B3GALT1: variants seen among roughly 807,000 people sequenced by gnomAD.
B3GALT1 encodes beta-1,3-galactosyltransferase 1.
In B3GALT1, 10 loss-of-function variants were observed where a neutral mutation model predicts 23.2. The ratio of observed to expected loss-of-function variants is 0.43; its 90% confidence interval spans 0.27 to 0.73. The LOEUF (loss-of-function observed/expected upper bound fraction) is 0.73, where lower values mean the gene tolerates loss of function less well. Ranked by LOEUF, B3GALT1 falls within the 30% of genes least tolerant of loss-of-function variation. The pLI is 0.21. For synonymous variants in B3GALT1, 156 were observed against 141.5 expected (o/e 1.10, Z -0.73); for missense variants, 299 against 405.4 (o/e 0.74, Z 2.25).
intron 1 of B3GALT1, among the ~76,000 whole-genome samples, chr2:167,363,623 A>G (rs1697534004): frequency 6.6e-6 from 1 of 152,080 alleles, no homozygotes; most frequent in Non-Finnish European, 1.5e-5. Context: ...AGAGGAACTT[A>G]AACATCTGTG....
chr2:167,500,711 A>G (rs1210349417), intron 2 of B3GALT1, among the ~76,000 whole-genome samples: 1 of 152,208 alleles, frequency 6.6e-6, no homozygotes, highest in East Asian at 1.9e-4. Context: ...ATGAGCATCA[A>G]TAAGTCTTTA....
intron 1 of B3GALT1, among the ~76,000 whole-genome samples, chr2:167,377,226 A>G (rs553000020): frequency 3.7e-4 from 57 of 152,046 alleles, no homozygotes; most frequent in African/African-American, 1.2e-3. Flanking sequence ...ATTTTTTTGA[A>G]TTTATTGAAA....
chr2:167,711,382 C>A (rs567477273), intron 3 of B3GALT1, among the ~76,000 whole-genome samples: 1 of 152,220 alleles, frequency 6.6e-6, no homozygotes, highest in South Asian at 2.1e-4. Flanking sequence ...CTGACAATAG[C>A]AGATATTCAA....
chr2:167,704,182 A>AC lies in B3GALT1; in HGVS notation c.-352+57217dup, dbSNP rs1375543644. ...GGCAAAGGAGCGAAACTCAGTCTCA[A>AC]CAAAAAAAAAAAAAAAAAAAGGTAA... On this transcript the variant is annotated intron_variant, in intron 3 of 4. Coordinates refer to ENST00000392690, the MANE Select transcript of B3GALT1 (RefSeq NM_020981.4). 3.2e-3 allele frequency among the ~76,000 whole-genome samples: 397 copies of AC among 123,538 alleles called. 4 individuals carry two copies. The highest frequency in any genetic ancestry group is 5.5e-3 in the Non-Finnish European group (319 of 57,828). The allele number at this position is 123,538 out of a possible 152,430, so 81.0% of individuals were successfully genotyped here.
At chr2:167,808,266 T>A (rs2105348809) in intron 3 of B3GALT1, among the ~76,000 whole-genome samples, 1 of 151,250 alleles carries the variant, frequency 6.6e-6, no homozygotes, top group South Asian at 2.1e-4. Flanking sequence ...AATTTGCCAG[T>A]CTGTGTCTTT....
intron 2 of B3GALT1, among the ~76,000 whole-genome samples, chr2:167,533,094 C>G (rs1683356850): frequency 6.6e-6 from 1 of 151,266 alleles, no homozygotes. Context: ...CACTTGACAT[C>G]AGGTGATCTG....
chr2:167,822,938 T>C (rs561792108), intron 4 of B3GALT1, among the ~76,000 whole-genome samples: 1 of 152,330 alleles, frequency 6.6e-6, no homozygotes, highest in East Asian at 1.9e-4. Context: ...CCTGGACATA[T>C]AGATAGACCG....
chr2:167,448,370 A>G (rs1039638922), intron 1 of B3GALT1, among the ~76,000 whole-genome samples: 1 of 151,630 alleles, frequency 6.6e-6, no homozygotes, highest in Non-Finnish European at 1.5e-5. Flanking sequence ...TCCCTGTTCC[A>G]TAGCTTTTTT....
intron 1 of B3GALT1, among the ~76,000 whole-genome samples, chr2:167,373,883 G>T (rs576810820): frequency 1.3e-5 from 2 of 152,162 alleles, no homozygotes; most frequent in South Asian, 2.1e-4. Context: ...ATAGATTCAG[G>T]GGGTACATGT....
chr2:167,356,859 A>G (rs917509423), intron 1 of B3GALT1, among the ~76,000 whole-genome samples: 1 of 152,028 alleles, frequency 6.6e-6, no homozygotes, highest in Non-Finnish European at 1.5e-5. Context: ...GTCAAGCGTC[A>G]TTAGTGTGGC....
intron 3 of B3GALT1, among the ~76,000 whole-genome samples, chr2:167,802,856 A>G (rs2105341963): frequency 6.6e-6 from 1 of 152,160 alleles, no homozygotes; most frequent in East Asian, 1.9e-4. Context: ...TAATCGGTGG[A>G]TTGAAAAATA....
chr2:167,665,413 T>C (rs200522735), intron 3 of B3GALT1, among the ~76,000 whole-genome samples: 124 of 142,256 alleles, frequency 8.7e-4, no homozygotes, highest in Admixed American at 1.4e-3. Context: ...AGGATATTGG[T>C]CTAAAATTCT....
intron 3 of B3GALT1, among the ~76,000 whole-genome samples, chr2:167,652,394 T>G (rs1045366158): frequency 6.6e-6 from 1 of 152,208 alleles, no homozygotes; most frequent in African/African-American, 2.4e-5. Flanking sequence ...TCACTGACCC[T>G]CTCTGAAACT....
At chr2:167,440,380 G>A (rs553190881) in intron 1 of B3GALT1, among the ~76,000 whole-genome samples, 24 of 144,510 alleles carry the variant, frequency 1.7e-4, no homozygotes, top group Non-Finnish European at 3.2e-4. Flanking sequence ...AATTTAAAAT[G>A]TTCATAAACC....
chr2:167,835,643 A>C (rs1689448479), intron 4 of B3GALT1, among the ~76,000 whole-genome samples: 1 of 152,334 alleles, frequency 6.6e-6, no homozygotes, highest in Admixed American at 6.5e-5. Context: ...ACCTCTGCAG[A>C]CTTAAATGTC....
At chr2:167,405,985 A>T (rs1012692895) in intron 1 of B3GALT1, among the ~76,000 whole-genome samples, 1 of 152,136 alleles carries the variant, frequency 6.6e-6, no homozygotes, top group Non-Finnish European at 1.5e-5. Context: ...AATATTAGAA[A>T]ATAAAGCAGC....
intron 1 of B3GALT1, among the ~76,000 whole-genome samples, chr2:167,340,337 A>G (rs1697128088): frequency 6.8e-6 from 1 of 146,868 alleles, no homozygotes. Context: ...AAAAAAAAAC[A>G]GAGCTTTTGG....
intron 3 of B3GALT1, among the ~76,000 whole-genome samples, chr2:167,717,295 T>G (rs975641753): frequency 3.1e-4 from 23 of 73,922 alleles, no homozygotes; most frequent in East Asian, 7.3e-4. Flanking sequence ...TATCTATGAG[T>G]TTTTTTTTTA....
At chr2:167,714,367 G>A (rs1687110524) in intron 3 of B3GALT1, 5 of 1,502,990 alleles carry the variant, frequency 3.3e-6, no homozygotes, top group Non-Finnish European at 3.7e-6. Flanking sequence ...TAATCTGATG[G>A]TCCAGAGGAT....
Sources: gnomAD v4.1 joint callset for allele counts (sites outside exome capture counted in the v4.1 genomes callset) on GRCh38, gnomAD v4.1.1 for gene constraint, MANE v1.5 for transcripts, NCBI Gene and HGNC (gene_info 2026-07-23, HGNC 2026-07-21) for gene names.